COL11A1: variants seen among roughly 807,000 people sequenced by gnomAD.
COL11A1 encodes collagen type XI alpha 1 chain, also known as collagen alpha-1(XI) chain.
COL11A1 carries 74 observed loss-of-function variants against 265.2 expected under a neutral mutation model. That is an observed-to-expected ratio of 0.28 (90% CI 0.23 to 0.34). The LOEUF (loss-of-function observed/expected upper bound fraction) is 0.34. Among genes scored for constraint, COL11A1 ranks in the 10% least tolerant of loss-of-function variants. COL11A1 has a pLI of 1.00. For synonymous variants in COL11A1, 816 were observed against 727.6 expected (o/e 1.12, Z -1.96); for missense variants, 2,165 against 2,263.6 (o/e 0.96, Z 0.88).
intron 4 of COL11A1, among the ~76,000 whole-genome samples, chr1:103,044,114 G>C (rs1019732263): frequency 6.7e-6 from 1 of 150,294 alleles, no homozygotes; most frequent in Non-Finnish European, 1.5e-5. Context: ...GAAAACCTAT[G>C]CTTCCTGTCT....
At position 102,898,393 on chromosome 1, in the gene COL11A1, T is replaced by C. The variant is rs1293955312; in HGVS notation, c.4249-215A>G. The stretch of plus-strand genomic sequence containing the variant: ...ATACACACCTATATATACATATACA[T>C]AGGTTATATATAAACATTTCACATC... On this transcript the variant is annotated intron_variant, in intron 56 of 66. Transcript: ENST00000370096. 3.9e-5 allele frequency among the ~76,000 whole-genome samples: 6 copies of C among 151,932 alleles called. No individual in the cohort carries two copies. The South Asian group carries it at 1.2e-3, about 31-fold the overall frequency.
chr1:102,936,042 C>T (rs1001483648), intron 44 of COL11A1, among the ~76,000 whole-genome samples: 7 of 151,930 alleles, frequency 4.6e-5, no homozygotes, highest in African/African-American at 1.7e-4. Context: ...TGTATTTTAC[C>T]ACGATATACT....
chr1:102,980,076 G>T (rs1488042271), intron 31 of COL11A1, among the ~76,000 whole-genome samples: 1 of 152,020 alleles, frequency 6.6e-6, no homozygotes, highest in Non-Finnish European at 1.5e-5. Context: ...TTATGCATCA[G>T]CTAAATGTAT....
intron 10 of COL11A1, among the ~76,000 whole-genome samples, chr1:103,018,145 A>G (rs1363202165): frequency 6.6e-6 from 1 of 152,166 alleles, no homozygotes; most frequent in African/African-American, 2.4e-5. Flanking sequence ...CTAAGGTCAT[A>G]TTTGGTCCCA....
intron 31 of COL11A1, 132 bp from the exon 32 acceptor site, chr1:102,979,567 TATC>T (rs1448438256): frequency 4.1e-6 from 3 of 732,040 alleles, no homozygotes; most frequent in Non-Finnish European, 7.4e-6. Context: ...AATTTTAAGA[TATC>T]ATCGAAGTAA....
At chr1:103,048,294 C>T (rs1669482319) in intron 4 of COL11A1, among the ~76,000 whole-genome samples, 1 of 152,114 alleles carries the variant, frequency 6.6e-6, no homozygotes. Flanking sequence ...TGTTATTGGT[C>T]TATTCAGAGA....
chr1:102,901,667 A>G (rs968170221), intron 54 of COL11A1, among the ~76,000 whole-genome samples: 2 of 152,188 alleles, frequency 1.3e-5, no homozygotes, highest in Admixed American at 1.3e-4. Context: ...AATACCTCAT[A>G]AAAACATAAC....
intron 28 of COL11A1, among the ~76,000 whole-genome samples, chr1:102,993,873 C>G (rs1664365628): frequency 6.6e-6 from 1 of 151,956 alleles, no homozygotes; most frequent in Admixed American, 6.6e-5. Context: ...TTTTGTTTTT[C>G]TAGTATCTTT....
intron 4 of COL11A1, among the ~76,000 whole-genome samples, chr1:103,051,731 T>C (rs3861743): frequency 0.94 from 142,530 of 152,212 alleles, 66,970 homozygotes; most frequent in East Asian, 1. Flanking sequence ...TGTTCCCATT[T>C]GGCCATCTTG....
intron 7 of COL11A1, 89 bp from the exon 8 acceptor site, chr1:103,023,085 G>C: frequency 7.2e-7 from 1 of 1,388,344 alleles, no homozygotes; most frequent in South Asian, 1.2e-5. Flanking sequence ...TTGATAGCGT[G>C]TGATGGGATG....
In COL11A1 at chr1:102,876,823, G is replaced by T. The variant is rs575785647; in HGVS notation, c.*1196C>A. 1 of 152,198 alleles carries T rather than the reference G, an allele frequency of 6.6e-6. No homozygotes were observed. Among genetic ancestry groups the T allele is most frequent in the Admixed American group, 6.6e-5 (1 of 15,242 alleles). The allele number at this position is 152,198 out of a possible 1,614,324, so 9.4% of individuals were successfully genotyped here. On this transcript the variant is annotated 3_prime_UTR_variant, in exon 67 of 67. Coordinates refer to ENST00000370096, the MANE Select transcript of COL11A1 (RefSeq NM_001854.4). ...AAAAAAAGTTTAGATTTTCCTGAAT[G>T]ACTTAAAACAAATACTCTTAATAAC...
chr1:103,065,780 A>G (rs551705302), intron 4 of COL11A1, among the ~76,000 whole-genome samples: 1 of 152,198 alleles, frequency 6.6e-6, no homozygotes, highest in Admixed American at 6.5e-5. Flanking sequence ...TTGTTGAAAA[A>G]TATTCATTTA....
intron 4 of COL11A1, among the ~76,000 whole-genome samples, chr1:103,039,606 G>A (rs913723360): frequency 2.0e-5 from 3 of 151,292 alleles, no homozygotes; most frequent in African/African-American, 4.8e-5. Context: ...AGAAGAAAAC[G>A]ACTCTGTCAA....
intron 31 of COL11A1, among the ~76,000 whole-genome samples, chr1:102,981,822 C>G (rs142622638): frequency 6.9e-4 from 105 of 151,984 alleles, no homozygotes; most frequent in African/African-American, 2.5e-3. Flanking sequence ...ATTTTAGAAA[C>G]AGCTATCATT....
chr1:103,023,894 A>T (rs2101952239), intron 7 of COL11A1, among the ~76,000 whole-genome samples: 1 of 152,324 alleles, frequency 6.6e-6, no homozygotes, highest in East Asian at 1.9e-4. Flanking sequence ...AACATTTAGG[A>T]CAATGAAATA....
At chr1:102,936,279 T>C (rs1658135454) in intron 44 of COL11A1, among the ~76,000 whole-genome samples, 1 of 151,544 alleles carries the variant, frequency 6.6e-6, no homozygotes, top group African/African-American at 2.4e-5. Context: ...GATTATAGTT[T>C]GAAATGCTGG....
chr1:102,960,071 TA>T (rs1660752311), intron 41 of COL11A1, among the ~76,000 whole-genome samples: 1 of 152,174 alleles, frequency 6.6e-6, no homozygotes, highest in African/African-American at 2.4e-5. Flanking sequence ...CTACTGTCAC[TA>T]ACTTTTGAGG....
rs6680194 is a variant in COL11A1 at position 103,042,366 on chromosome 1, T to G, written c.652-11122A>C. On this transcript the variant is annotated intron_variant, in intron 4 of 66. Coordinates refer to ENST00000370096, the MANE Select transcript of COL11A1 (RefSeq NM_001854.4). ...TCACCTGAGAAAATTAGAGGATTTA[T>G]CTAGAATTTCCTGGCATAATTTATG... Among the ~76,000 whole-genome samples, 537 of 152,288 alleles carry G rather than the reference T, an allele frequency of 3.5e-3. 5 individuals carry two copies. The highest frequency in any genetic ancestry group is 0.013 in the African/African-American group (522 of 41,568).
intron 44 of COL11A1, 35 bp downstream of exon 44, chr1:102,939,000 A>C: frequency 6.3e-7 from 1 of 1,592,266 alleles, no homozygotes; most frequent in Non-Finnish European, 8.6e-7. Context: ...TTGTTAAATA[A>C]ATAATGTTCT....
Sources: allele counts gnomAD v4.1 joint callset (sites outside exome capture counted in the v4.1 genomes callset), GRCh38; gene constraint gnomAD v4.1.1; transcripts MANE v1.5; gene names NCBI Gene and HGNC (gene_info 2026-07-23, HGNC 2026-07-21).